Variants in GPM6A observed in about 807,000 individuals in gnomAD.
GPM6A encodes neuronal membrane glycoprotein M6-a.
A neutral mutation model predicts 32.1 loss-of-function variants in GPM6A; 7 were observed. That is an observed-to-expected ratio of 0.22 (90% CI 0.12 to 0.41). The LOEUF is 0.41. Among genes scored for constraint, GPM6A ranks in the 10% least tolerant of loss-of-function variants. The pLI is 1.00. For synonymous variants in GPM6A, 130 were observed against 123.4 expected, an observed-to-expected ratio of 1.05 and a Z score of -0.35; for missense variants, 235 against 347.2, an observed-to-expected ratio of 0.68 and a Z score of 2.57.
At chr4:175,957,271 G>A (rs987423702) in intron 1 of GPM6A, among the ~76,000 whole-genome samples, 1 of 152,062 alleles carries the variant, frequency 6.6e-6, no homozygotes, top group African/African-American at 2.4e-5. Context: ...CAAAAATTCT[G>A]TGCTTCACAC....
At chr4:175,637,651 A>G (rs1179110308) in intron 6 of GPM6A, among the ~76,000 whole-genome samples, 11 of 19,394 alleles carry the variant, frequency 5.7e-4, no homozygotes, top group Non-Finnish European at 1.7e-3. Context: ...TATTATATAA[A>G]ATATAAAATA....
rs764604248 is a variant in GPM6A, at chr4:175,651,960, A to T, written c.415T>A (p.Leu139Met). 1.2e-5 allele frequency: 20 copies of T among 1,613,046 alleles called. No individual in the cohort carries two copies. Among genetic ancestry groups the T allele is most frequent in the Non-Finnish European group, 8.5e-7 (1 of 1,179,518 alleles). The change falls in exon 4 of 7, where the codon TTG (leucine) becomes ATG (methionine). Residue 139 changes from leucine to methionine, a missense_variant. By Grantham distance (15) the Leu-to-Met change is conservative. Transcript: ENST00000393658. The stretch of plus-strand genomic sequence containing the variant: ...AAAGCCGTGACTCCCAGCCAGGCCA[A>T]CATGAAAAGATATGTCAGCATAATG... ...WFIMLTYLFM[L>M]AWLGVTAFTS... is the part of the protein sequence containing the mutation.
At chr4:175,850,776 T>A (rs2111401390) in intron 1 of GPM6A, among the ~76,000 whole-genome samples, 1 of 151,202 alleles carries the variant, frequency 6.6e-6, no homozygotes, top group East Asian at 1.9e-4. Flanking sequence ...GGGATACTCA[T>A]TTTACATATA....
At chr4:175,965,271 C>G (rs1427802005) in intron 1 of GPM6A, among the ~76,000 whole-genome samples, 1 of 151,738 alleles carries the variant, frequency 6.6e-6, no homozygotes, top group Non-Finnish European at 1.5e-5. Context: ...AGCTATAAAT[C>G]GTAAAGACAG....
chr4:175,898,646 C>T (rs1056630775), intron 1 of GPM6A, among the ~76,000 whole-genome samples: 7 of 152,152 alleles, frequency 4.6e-5, no homozygotes, highest in Non-Finnish European at 1.0e-4. Flanking sequence ...GCAGGATTCA[C>T]ACCTTATTCT....
At chr4:175,715,356 C>A (rs1020308663) in intron 1 of GPM6A, among the ~76,000 whole-genome samples, 1 of 152,158 alleles carries the variant, frequency 6.6e-6, no homozygotes, top group Non-Finnish European at 1.5e-5. Flanking sequence ...CGGGATTGTT[C>A]ACGCAGATGC....
At chr4:175,916,411 A>G (rs572567313) in intron 1 of GPM6A, among the ~76,000 whole-genome samples, 76 of 152,284 alleles carry the variant, frequency 5.0e-4, no homozygotes, top group African/African-American at 1.6e-3. Flanking sequence ...AAATTATCCC[A>G]TATTTTAGCA....
chr4:175,928,447 A>G (rs1489825867), intron 1 of GPM6A, among the ~76,000 whole-genome samples: 6 of 152,202 alleles, frequency 3.9e-5, no homozygotes, highest in East Asian at 1.9e-4. Context: ...AAATGGTTTC[A>G]TAACAAGCAT....
At chr4:175,743,917 T>C (rs1170179921) in intron 1 of GPM6A, among the ~76,000 whole-genome samples, 1 of 150,012 alleles carries the variant, frequency 6.7e-6, no homozygotes, top group Non-Finnish European at 1.5e-5. Flanking sequence ...TGTAAAGTCA[T>C]AGTTGAAGAG....
chr4:175,945,085 A>G (rs1739547110), intron 1 of GPM6A, among the ~76,000 whole-genome samples: 1 of 151,818 alleles, frequency 6.6e-6, no homozygotes, highest in African/African-American at 2.4e-5. Context: ...TTTAAAAAAA[A>G]TTATTCATTG....
At chr4:175,970,045 T>C (rs1411676353) in intron 1 of GPM6A, among the ~76,000 whole-genome samples, 5 of 152,228 alleles carry the variant, frequency 3.3e-5, no homozygotes, top group African/African-American at 4.8e-5. Context: ...TAAAACACAA[T>C]GACGCCGAAA....
At chr4:175,752,856 C>T (rs1429361699) in intron 1 of GPM6A, among the ~76,000 whole-genome samples, 1 of 152,176 alleles carries the variant, frequency 6.6e-6, no homozygotes, top group Non-Finnish European at 1.5e-5. Flanking sequence ...CTTCATGAAG[C>T]TGTGTTAAGG....
chr4:175,835,641 ATATAT>A (rs1735744021), intron 1 of GPM6A, among the ~76,000 whole-genome samples: 1 of 146,848 alleles, frequency 6.8e-6, no homozygotes, highest in Non-Finnish European at 1.5e-5. Context: ...ATATATATAT[ATATAT>A]ATATGCTTGT....
intron 1 of GPM6A, among the ~76,000 whole-genome samples, chr4:175,773,655 G>A (rs1312420912): frequency 6.6e-6 from 1 of 152,054 alleles, no homozygotes; most frequent in Non-Finnish European, 1.5e-5. Flanking sequence ...AATAACAGAA[G>A]CACAATTATA....
chr4:175,960,510 G>A (rs573459478), intron 1 of GPM6A, among the ~76,000 whole-genome samples: 11 of 152,268 alleles, frequency 7.2e-5, no homozygotes, highest in African/African-American at 2.2e-4. Context: ...GTGACATGGT[G>A]GTTTGCCGCA....
intron 1 of GPM6A, chr4:175,807,493 GTTA>G (rs1242960166): frequency 6.6e-6 from 1 of 152,150 alleles, no homozygotes; most frequent in Non-Finnish European, 1.5e-5. Flanking sequence ...GGGCAGCATA[GTTA>G]TTATTAAAAT....
intron 1 of GPM6A, among the ~76,000 whole-genome samples, chr4:175,872,947 A>T (rs1371624516): frequency 8.5e-5 from 13 of 152,174 alleles, no homozygotes; most frequent in Admixed American, 8.5e-4. Context: ...TCATAAAGGG[A>T]TCAAAAGAAA....
intron 1 of GPM6A, among the ~76,000 whole-genome samples, chr4:175,899,861 G>A (rs1244818929): frequency 1.3e-5 from 2 of 151,734 alleles, no homozygotes; most frequent in African/African-American, 4.9e-5. Flanking sequence ...AAGCAAAAAT[G>A]GACAAATGAG....
At chr4:175,837,063 C>G (rs1361863828) in intron 1 of GPM6A, among the ~76,000 whole-genome samples, 1 of 151,640 alleles carries the variant, frequency 6.6e-6, no homozygotes, top group Non-Finnish European at 1.5e-5. Context: ...TAAAGGACAT[C>G]AAAAGAGAGA....
Sources: allele counts gnomAD v4.1 joint callset (sites outside exome capture counted in the v4.1 genomes callset), GRCh38; gene constraint gnomAD v4.1.1; transcripts MANE v1.5; gene names NCBI Gene and HGNC (gene_info 2026-07-23, HGNC 2026-07-21).